CADM2: variants seen among roughly 807,000 people sequenced by gnomAD.
CADM2 encodes immunoglobulin superfamily member 4D.
Under a neutral mutation model 49.8 loss-of-function variants are expected in CADM2, and 12 were observed. That is an observed-to-expected ratio of 0.24 (90% CI 0.15 to 0.39). The LOEUF (loss-of-function observed/expected upper bound fraction) is 0.39. Ranked by LOEUF, CADM2 falls within the 10% of genes least tolerant of loss-of-function variation. The pLI, the probability that CADM2 is intolerant of heterozygous loss-of-function variation, is 1.00. For synonymous variants in CADM2, 214 were observed against 175.4 expected (o/e 1.22, Z -1.74); for missense variants, 378 against 492.3 (o/e 0.77, Z 2.20).
chr3:85,302,981 A>G (rs1163645347), intron 1 of CADM2, among the ~76,000 whole-genome samples: 1 of 152,020 alleles, frequency 6.6e-6, no homozygotes, highest in Non-Finnish European at 1.5e-5. Flanking sequence ...TTAGATTTCT[A>G]ATGCAGTAAA....
chr3:85,505,094 C>A (rs960958278), intron 1 of CADM2, among the ~76,000 whole-genome samples: 1 of 152,150 alleles, frequency 6.6e-6, no homozygotes, highest in African/African-American at 2.4e-5. Flanking sequence ...GAGCCGGCTC[C>A]GGCCTTGGCC....
chr3:85,090,943 G>T (rs1316934465), intron 1 of CADM2, among the ~76,000 whole-genome samples: 2 of 152,120 alleles, frequency 1.3e-5, no homozygotes, highest in African/African-American at 2.4e-5. Context: ...TATCAAAAAG[G>T]TTGGGGACCA....
intron 1 of CADM2, among the ~76,000 whole-genome samples, chr3:85,593,719 T>C (rs1217844620): frequency 6.6e-6 from 1 of 152,060 alleles, no homozygotes; most frequent in African/African-American, 2.4e-5. Context: ...AAGCTTTTCA[T>C]GTTCCAACAT....
At chr3:85,289,608 G>T (rs1283334757) in intron 1 of CADM2, among the ~76,000 whole-genome samples, 1 of 152,104 alleles carries the variant, frequency 6.6e-6, no homozygotes, top group Non-Finnish European at 1.5e-5. Flanking sequence ...TTTTCCTTCA[G>T]TTTGGTGTCT....
At position 85,546,142 on chromosome 3, in the gene CADM2, A is replaced by G. The variant is rs560483268; in HGVS notation, c.62-180380A>G. Among the ~76,000 whole-genome samples, 13 of 152,314 alleles carry G rather than the reference A, an allele frequency of 8.5e-5. No homozygotes were observed. The South Asian group carries it at 2.7e-3, about 32-fold the overall frequency. On this transcript the variant is annotated intron_variant, in intron 1 of 9. Coordinates refer to ENST00000383699, the MANE Select transcript of CADM2 (RefSeq NM_001167675.2). ...TACCTTTATGCTCAAGTCCCTGAAT[A>G]TAGATTTTTACCTTCCTAAGAAGGT...
chr3:85,719,406 C>T (rs2067418724), intron 1 of CADM2, among the ~76,000 whole-genome samples: 1 of 152,162 alleles, frequency 6.6e-6, no homozygotes, highest in Admixed American at 6.5e-5. Context: ...AGGAAAACTC[C>T]TAACTCCCCA....
intron 8 of CADM2, among the ~76,000 whole-genome samples, chr3:85,990,491 A>T (rs2108700343): frequency 6.6e-6 from 1 of 152,290 alleles, no homozygotes; most frequent in Non-Finnish European, 1.5e-5. Flanking sequence ...GTGATTGCTT[A>T]TTGCAGGCTG....
intron 1 of CADM2, among the ~76,000 whole-genome samples, chr3:85,413,433 C>A (rs1416037564): frequency 6.6e-6 from 1 of 151,980 alleles, no homozygotes; most frequent in East Asian, 1.9e-4. Flanking sequence ...CTGATCTCTT[C>A]TCATACTGCT....
chr3:86,021,121 T>C (rs1246478803), intron 8 of CADM2, among the ~76,000 whole-genome samples: 1 of 152,156 alleles, frequency 6.6e-6, no homozygotes, highest in African/African-American at 2.4e-5. Context: ...TGCCTCAGCC[T>C]CCTAAGTAGC....
intron 1 of CADM2, among the ~76,000 whole-genome samples, chr3:84,972,963 A>G (rs886593457): frequency 2.0e-5 from 3 of 152,068 alleles, no homozygotes; most frequent in Non-Finnish European, 4.4e-5. Flanking sequence ...CGCCCAGGCT[A>G]GAGTGCAGTG....
chr3:85,961,198 G>C (rs1212548656), intron 7 of CADM2, among the ~76,000 whole-genome samples: 1 of 151,300 alleles, frequency 6.6e-6, no homozygotes, highest in African/African-American at 2.4e-5. Context: ...CACACGACTT[G>C]AGCAGGGGAC....
chr3:85,220,893 A>G (rs1012406626), intron 1 of CADM2, among the ~76,000 whole-genome samples: 2 of 152,180 alleles, frequency 1.3e-5, no homozygotes, highest in African/African-American at 4.8e-5. Flanking sequence ...AAAACAAAGA[A>G]CTAAAATCAA....
At chr3:85,849,338 T>C (rs759321239) in intron 3 of CADM2, among the ~76,000 whole-genome samples, 5 of 152,166 alleles carry the variant, frequency 3.3e-5, no homozygotes, top group Non-Finnish European at 5.9e-5. Flanking sequence ...ACAAATACTG[T>C]TATCTTAGGA....
At chr3:85,652,981 G>T (rs1019056912) in intron 1 of CADM2, among the ~76,000 whole-genome samples, 6 of 151,206 alleles carry the variant, frequency 4.0e-5, no homozygotes, top group African/African-American at 1.5e-4. Context: ...CACCATGTTG[G>T]TCAGGCTGGT....
chr3:84,994,652 G>A (rs1373707349), intron 1 of CADM2, among the ~76,000 whole-genome samples: 2 of 152,090 alleles, frequency 1.3e-5, no homozygotes, highest in East Asian at 3.9e-4. Flanking sequence ...ACAAGAAAAT[G>A]TGTAGAGTAT....
intron 3 of CADM2, among the ~76,000 whole-genome samples, chr3:85,840,614 G>C (rs2074600624): frequency 6.6e-6 from 1 of 151,790 alleles, no homozygotes; most frequent in Non-Finnish European, 1.5e-5. Context: ...ATATGACACA[G>C]AATACCTGTA....
chr3:85,823,683 A>C (rs1041276589), intron 3 of CADM2, among the ~76,000 whole-genome samples: 1 of 152,152 alleles, frequency 6.6e-6, no homozygotes, highest in Non-Finnish European at 1.5e-5. Context: ...GAGAGCTATT[A>C]ATTTGCATTG....
At chr3:85,026,385 A>G (rs1261444581) in intron 1 of CADM2, among the ~76,000 whole-genome samples, 1 of 152,160 alleles carries the variant, frequency 6.6e-6, no homozygotes, top group East Asian at 1.9e-4. Context: ...ATATTTTGCA[A>G]CATATTTAAA....
At chr3:85,700,917 G>T (rs1181494937) in intron 1 of CADM2, among the ~76,000 whole-genome samples, 1 of 151,944 alleles carries the variant, frequency 6.6e-6, no homozygotes, top group African/African-American at 2.4e-5. Flanking sequence ...TCACAATTTC[G>T]GATATCTTTA....
Sources: allele counts gnomAD v4.1 joint callset (sites outside exome capture counted in the v4.1 genomes callset), GRCh38; gene constraint gnomAD v4.1.1; transcripts MANE v1.5; gene names NCBI Gene and HGNC (gene_info 2026-07-23, HGNC 2026-07-21).